CBFA2T3: variants seen among roughly 807,000 people sequenced by gnomAD.
The protein encoded by CBFA2T3 is CBFA2/RUNX1 partner transcriptional co-repressor 3.
Under a neutral mutation model 58.6 loss-of-function variants are expected in CBFA2T3, and 31 were observed. The ratio of observed to expected loss-of-function variants is 0.53; its 90% CI spans 0.40 to 0.71. CBFA2T3 has a LOEUF of 0.71. Among genes scored for constraint, CBFA2T3 ranks in the 30% least tolerant of loss-of-function variants. The pLI is 0.00. For missense variants in CBFA2T3, 1,076 were observed against 963.1 expected, an observed-to-expected ratio of 1.12 and a Z score of -1.55; for synonymous variants, 531 against 421.9, an observed-to-expected ratio of 1.26 and a Z score of -3.17.
chr16:88,964,010 C>A (rs1451770675), intron 1 of CBFA2T3, among the ~76,000 whole-genome samples: 2 of 152,194 alleles, frequency 1.3e-5, no homozygotes, highest in African/African-American at 2.4e-5. Flanking sequence ...AGAGAGCTGC[C>A]CAGAGCTCCC....
chr16:88,927,882 T>A (rs1394147538), intron 1 of CBFA2T3, among the ~76,000 whole-genome samples: 1 of 152,180 alleles, frequency 6.6e-6, no homozygotes, highest in Non-Finnish European at 1.5e-5. Context: ...AGGCGCCTCG[T>A]GACACGCTGC....
chr16:88,889,753 G>A (rs534803551), intron 5 of CBFA2T3, among the ~76,000 whole-genome samples: 5 of 141,222 alleles, frequency 3.5e-5, no homozygotes, highest in Non-Finnish European at 4.6e-5. Context: ...CCTGGACGAC[G>A]CCCCGCGATT....
intron 1 of CBFA2T3, among the ~76,000 whole-genome samples, chr16:88,925,770 C>T (rs1351963016): frequency 1.3e-5 from 2 of 152,198 alleles, no homozygotes; most frequent in East Asian, 1.9e-4. Flanking sequence ...TGTGCTTTCC[C>T]GGGGGCTCAG....
intron 1 of CBFA2T3, among the ~76,000 whole-genome samples, chr16:88,910,465 T>C (rs1227836683): frequency 6.6e-6 from 1 of 152,148 alleles, no homozygotes; most frequent in African/African-American, 2.4e-5. Context: ...AAACACTTGC[T>C]GCGTGGTGAC....
chr16:88,941,832 C>T (rs1216181639), intron 1 of CBFA2T3: 1 of 79,752 alleles, frequency 1.3e-5, no homozygotes, highest in East Asian at 4.0e-4. Flanking sequence ...GGCGGCCGCG[C>T]GGGAGGCTGA....
intron 11 of CBFA2T3, among the ~76,000 whole-genome samples, chr16:88,878,926 G>A (rs1968950094): frequency 6.6e-6 from 1 of 152,194 alleles, no homozygotes; most frequent in Non-Finnish European, 1.5e-5. Context: ...GATCACTTCA[G>A]TCTGGGCAAC....
intron 2 of CBFA2T3, 71 bp downstream of exon 2, chr16:88,901,433 C>T: frequency 1.3e-6 from 1 of 770,654 alleles, no homozygotes; most frequent in Non-Finnish European, 2.0e-6. Context: ...GCAGGAAGCT[C>T]AGAATTTCAA....
intron 1 of CBFA2T3, among the ~76,000 whole-genome samples, chr16:88,913,173 C>T (rs1374671727): frequency 6.6e-6 from 1 of 152,248 alleles, no homozygotes; most frequent in African/African-American, 2.4e-5. Context: ...GACCCTGAGC[C>T]TGGACGTCAG....
chr16:88,889,524 G>A (rs866293284), intron 5 of CBFA2T3, among the ~76,000 whole-genome samples: 4 of 151,972 alleles, frequency 2.6e-5, no homozygotes, highest in Middle Eastern at 3.2e-3. Context: ...CAGGGCGTTT[G>A]GAATTTGACA....
chr16:88,892,230 C>T lies in CBFA2T3; in HGVS notation c.621+14G>A, dbSNP rs371987095. 2.4e-5 allele frequency: 38 copies of T among 1,603,558 alleles called. No individual in the cohort carries two copies. In the African/African-American group the frequency reaches 4.9e-4, roughly 21 times the overall value. On this transcript the variant is annotated intron_variant, in intron 4 of 11. Transcript: ENST00000268679. The stretch of plus-strand genomic sequence containing the variant: ...TGCATGTCCCAAGGCCCCGGCTGTC[C>T]CTGCCCAACTCACCACCAGGCCCAG...
At chr16:88,917,420 A>C (rs184283971) in intron 1 of CBFA2T3, among the ~76,000 whole-genome samples, 47 of 152,284 alleles carry the variant, frequency 3.1e-4, no homozygotes, top group African/African-American at 1.0e-3. Flanking sequence ...CAGCCCTGGG[A>C]ACGGGACCCT....
chr16:88,912,086 GC>G (rs778436097), intron 1 of CBFA2T3, among the ~76,000 whole-genome samples: 2 of 152,244 alleles, frequency 1.3e-5, no homozygotes, highest in African/African-American at 4.8e-5. Context: ...CCGGGCCCCG[GC>G]CCAGGGCTTC....
At chr16:88,932,632 G>C (rs746059191) in intron 1 of CBFA2T3, among the ~76,000 whole-genome samples, 98 of 151,458 alleles carry the variant, frequency 6.5e-4, no homozygotes, top group Non-Finnish European at 1.2e-3. Context: ...GAGCGATAGA[G>C]GGAGACCCCG....
chr16:88,976,017 AT>A (rs1417317508), intron 1 of CBFA2T3, among the ~76,000 whole-genome samples: 1 of 152,188 alleles, frequency 6.6e-6, no homozygotes, highest in Non-Finnish European at 1.5e-5. Flanking sequence ...GCGTCCGGGG[AT>A]CCTTGTCCTG....
rs185715659 is a variant in CBFA2T3 at position 88,885,229 on chromosome 16, C to T, written c.934G>A (p.Glu312Lys). 1.8e-4 allele frequency: 279 copies of T among 1,583,824 alleles called. 1 individual carries two copies. In the East Asian group the frequency reaches 2.8e-3, roughly 16 times the overall value. The change falls in exon 7 of 12, where the codon GAG becomes AAG. Residue 312 changes from glutamate to lysine, a missense_variant. Transcript: ENST00000268679. This position sits in a 1 kb window ranked among gnomAD's most constrained non-coding sequence, Gnocchi z 5.3. ...GTGCATGGCCGTTTGCTGAGGTGCT[C>T]GGGGTGCAGCGGGTCGCGGTCTGAC... ...NGSDRDPLHPEHLSKRPCTLN... is the reference protein window; with the variant it reads ...NGSDRDPLHPKHLSKRPCTLN...
chr16:88,971,609 A>G (rs1230390918), intron 1 of CBFA2T3, among the ~76,000 whole-genome samples: 3 of 152,154 alleles, frequency 2.0e-5, no homozygotes, highest in African/African-American at 4.8e-5. Flanking sequence ...TGAGAACTTC[A>G]TTGGCGCCTG....
At chr16:88,896,665 G>A (rs894337963) in intron 3 of CBFA2T3, among the ~76,000 whole-genome samples, 1 of 152,188 alleles carries the variant, frequency 6.6e-6, no homozygotes, top group Non-Finnish European at 1.5e-5. Flanking sequence ...CCGTCACCAT[G>A]GGAGACCTCA....
intron 5 of CBFA2T3, among the ~76,000 whole-genome samples, chr16:88,888,919 C>G (rs59120191): frequency 4.0e-5 from 6 of 151,762 alleles, no homozygotes; most frequent in Admixed American, 2.0e-4. Context: ...AGAGCCGGGC[C>G]GCGGGCGGCA....
At chr16:88,937,858 TAG>T (rs1368811283) in intron 1 of CBFA2T3, 2 of 152,220 alleles carry the variant, frequency 1.3e-5, no homozygotes, top group East Asian at 3.9e-4. Context: ...TGACAAATTG[TAG>T]AGTTTAGGTC....
Sources: gnomAD v4.1 joint callset for allele counts (sites outside exome capture counted in the v4.1 genomes callset) on GRCh38, gnomAD v4.1.1 for gene constraint, Gnocchi (gnomAD v3.1) non-coding constraint, MANE v1.5 for transcripts, NCBI Gene and HGNC (gene_info 2026-07-23, HGNC 2026-07-21) for gene names.